The following RPS6KC1 variants were observed in gnomAD, a reference collection of about 807,000 sequenced individuals.
RPS6KC1 encodes the protein ribosomal protein S6 kinase C1.
In RPS6KC1, 54 loss-of-function variants were observed where a neutral mutation model predicts 103.8. That is an observed-to-expected ratio of 0.52 (90% CI 0.42 to 0.65). The LOEUF is 0.65. RPS6KC1 is among the 30% of genes least tolerant of loss of function. The pLI is 0.00. For synonymous variants in RPS6KC1, 439 were observed against 438.7 expected, an observed-to-expected ratio of 1.00 and a Z score of -0.01; for missense variants, 1,151 against 1,253.8, an observed-to-expected ratio of 0.92 and a Z score of 1.24.
chr1:213,473,466 T>A, the RPS6KC1 span, among the ~76,000 whole-genome samples: 1 of 152,334 alleles, frequency 6.6e-6, no homozygotes, highest in South Asian at 2.1e-4. Flanking sequence ...TGAGATGAAG[T>A]GGGAGTATGT....
chr1:213,848,429 G>A, the RPS6KC1 span, among the ~76,000 whole-genome samples: 37 of 152,110 alleles, frequency 2.4e-4, 1 homozygote, highest in South Asian at 7.7e-3. Context: ...CTTTCACTTA[G>A]CACAGTCACT....
chr1:213,486,486 G>C, the RPS6KC1 span, among the ~76,000 whole-genome samples: 1 of 152,168 alleles, frequency 6.6e-6, no homozygotes, highest in Non-Finnish European at 1.5e-5. Context: ...GGTCAGGTAA[G>C]AGAGGGCCAG....
chr1:213,182,630 T>C (rs978134374), intron 8 of RPS6KC1, among the ~76,000 whole-genome samples: 1 of 151,542 alleles, frequency 6.6e-6, no homozygotes, highest in Non-Finnish European at 1.5e-5. Context: ...CCCTAACACA[T>C]TATAAATATA....
chr1:213,576,487 AATT>A, the RPS6KC1 span, among the ~76,000 whole-genome samples: 1 of 150,780 alleles, frequency 6.6e-6, no homozygotes, highest in African/African-American at 2.4e-5. Context: ...ACATTTTGGT[AATT>A]ATTATTATTA....
intron 6 of RPS6KC1, among the ~76,000 whole-genome samples, chr1:213,135,177 A>C (rs1375127872): frequency 6.6e-6 from 1 of 152,216 alleles, no homozygotes; most frequent in Non-Finnish European, 1.5e-5. Flanking sequence ...ACTTGAAACA[A>C]TTGTGCTTTT....
At chr1:213,224,012 A>G (rs1323244833) in intron 8 of RPS6KC1, among the ~76,000 whole-genome samples, 1 of 152,160 alleles carries the variant, frequency 6.6e-6, no homozygotes, top group East Asian at 1.9e-4. Flanking sequence ...AAAAAGATTC[A>G]TGAATGGGGA....
At chr1:213,370,406 C>T in the RPS6KC1 span, among the ~76,000 whole-genome samples, 4,415 of 152,064 alleles carry the variant, frequency 0.029, 225 homozygotes, top group African/African-American at 0.1. Context: ...AGCTGGCTGG[C>T]CAACTGCTTG....
chr1:213,729,100 A>C, the RPS6KC1 span, among the ~76,000 whole-genome samples: 1 of 152,024 alleles, frequency 6.6e-6, no homozygotes, highest in East Asian at 1.9e-4. Flanking sequence ...AAAAGACGAC[A>C]GTTAGGTTTT....
the RPS6KC1 span, among the ~76,000 whole-genome samples, chr1:213,318,312 C>G: frequency 6.6e-6 from 1 of 152,192 alleles, no homozygotes; most frequent in African/African-American, 2.4e-5. Context: ...CTCCCTTTAG[C>G]AAGTAGATGG....
the RPS6KC1 span, among the ~76,000 whole-genome samples, chr1:213,718,828 A>G: frequency 2.0e-5 from 3 of 152,306 alleles, no homozygotes; most frequent in East Asian, 5.8e-4. Flanking sequence ...GCAGATTTGG[A>G]TCCTATAGTT....
chr1:213,472,723 T>G, the RPS6KC1 span, among the ~76,000 whole-genome samples: 1 of 152,106 alleles, frequency 6.6e-6, no homozygotes, highest in Non-Finnish European at 1.5e-5. Flanking sequence ...TGAAGTGGAA[T>G]GGCTATAGAA....
At position 213,262,759 on chromosome 1, in the gene RPS6KC1, C is replaced by T. The variant is rs34661072; in HGVS notation, c.3033C>T (p.His1011=). 1,223 of 1,613,076 alleles carry T rather than the reference C, an allele frequency of 7.6e-4. 9 individuals carry two copies. In the African/African-American group the frequency reaches 0.014, roughly 19 times the overall value. The part of the protein sequence containing the change: ...VECHPAGINT[H]TTLNMPECVS... ...GCCATCCAGCAGGAATAAATACTCACACTACTTTGAACATGCCAGAATGTG... is the reference window on the plus strand; with the variant it reads ...GCCATCCAGCAGGAATAAATACTCATACTACTTTGAACATGCCAGAATGTG... Residue 1011 remains histidine, a synonymous_variant, in exon 14 of 15, where the codon CAC becomes CAT. Transcript: ENST00000366960.
intron 6 of RPS6KC1, among the ~76,000 whole-genome samples, chr1:213,132,122 A>T (rs947368874): frequency 6.6e-6 from 1 of 152,224 alleles, no homozygotes; most frequent in African/African-American, 2.4e-5. Flanking sequence ...TACTTTGCTG[A>T]TTATGGTGGT....
intron 6 of RPS6KC1, among the ~76,000 whole-genome samples, chr1:213,151,645 A>G (rs1572863285): frequency 1.5e-5 from 1 of 68,118 alleles, no homozygotes; most frequent in African/African-American, 7.9e-5. Flanking sequence ...GGCTGGGCAG[A>G]GGGGCTCCTC....
chr1:213,733,755 T>C, the RPS6KC1 span, among the ~76,000 whole-genome samples: 1 of 152,322 alleles, frequency 6.6e-6, no homozygotes, highest in East Asian at 1.9e-4. Context: ...TCTGCATAAC[T>C]CAAGGTTCAA....
intron 8 of RPS6KC1, among the ~76,000 whole-genome samples, chr1:213,202,090 T>G (rs1008917728): frequency 2.0e-5 from 3 of 152,178 alleles, no homozygotes; most frequent in African/African-American, 7.2e-5. Flanking sequence ...CCAGAGAGCT[T>G]AAGTGTTTTG....
chr1:213,297,134 C>T, the RPS6KC1 span, among the ~76,000 whole-genome samples: 8 of 152,256 alleles, frequency 5.3e-5, no homozygotes, highest in Non-Finnish European at 7.4e-5. Flanking sequence ...TTAAAGAGGG[C>T]GGTGGGCAGG....
At chr1:213,280,298 A>G in the RPS6KC1 span, among the ~76,000 whole-genome samples, 1 of 152,208 alleles carries the variant, frequency 6.6e-6, no homozygotes, top group Non-Finnish European at 1.5e-5. Context: ...CTTGTAATCA[A>G]ATAACTCACC....
chr1:213,782,695 G>A, the RPS6KC1 span, among the ~76,000 whole-genome samples: 1 of 152,090 alleles, frequency 6.6e-6, no homozygotes, highest in Non-Finnish European at 1.5e-5. Context: ...AAGGAAGAAG[G>A]AGGAGAAAAA....
Sources: allele counts gnomAD v4.1 joint callset (sites outside exome capture counted in the v4.1 genomes callset), GRCh38; gene constraint gnomAD v4.1.1; transcripts MANE v1.5; gene names NCBI Gene and HGNC (gene_info 2026-07-23, HGNC 2026-07-21).